HEATR5A: variants seen among roughly 807,000 people sequenced by gnomAD.
HEATR5A encodes the protein HEAT repeat-containing protein 5A.
In HEATR5A, 178 loss-of-function variants were observed where a neutral mutation model predicts 218.8. That is an observed-to-expected ratio of 0.81 (90% confidence interval 0.72 to 0.92). HEATR5A has a LOEUF of 0.92. HEATR5A is among the 40% of genes least tolerant of loss of function. The pLI is 0.00. For synonymous variants in HEATR5A, 864 were observed against 871.6 expected (o/e 0.99, Z 0.15); for missense variants, 2,420 against 2,418.9 (o/e 1.00, Z -0.01).
At chr14:31,356,846 T>C (rs886190296) in intron 16 of HEATR5A, among the ~76,000 whole-genome samples, 3 of 152,284 alleles carry the variant, frequency 2.0e-5, no homozygotes, top group Admixed American at 6.5e-5. Context: ...CTGTAAAAAG[T>C]ATATTTTCTT....
chr14:31,374,704 T>C (rs1030262712), intron 12 of HEATR5A, 112 bp downstream of exon 12: 16 of 935,208 alleles, frequency 1.7e-5, no homozygotes, highest in Non-Finnish European at 2.5e-5. Context: ...AAAAAATCAT[T>C]AGTGGCATAT....
At chr14:31,396,815 A>C (rs899822901) in intron 4 of HEATR5A, among the ~76,000 whole-genome samples, 1 of 152,222 alleles carries the variant, frequency 6.6e-6, no homozygotes, top group Non-Finnish European at 1.5e-5. Context: ...TAGTTAAAAA[A>C]ATTTAAAAAA....
At position 31,364,056 on chromosome 14, in the gene HEATR5A, T is replaced by C. The variant is rs933766132; in HGVS notation, c.2071+133A>G. On this transcript the variant is annotated intron_variant, in intron 14 of 35. Coordinates refer to ENST00000543095, the MANE Select transcript of HEATR5A (RefSeq NM_015473.4). ...ACACATGGATTAGGACTGAACTCCC[T>C]AAACCTCCTAGAAACAAGGCACTAA... 9 of 540,634 alleles carry C rather than the reference T, an allele frequency of 1.7e-5. No individual in the cohort carries two copies. The African/African-American group carries it at 1.7e-4, about 10-fold the overall frequency. The allele number at this position is 540,634 out of a possible 1,614,324, so 33.5% of individuals were successfully genotyped here.
intron 1 of HEATR5A, among the ~76,000 whole-genome samples, chr14:31,403,644 G>C (rs2030956016): frequency 6.6e-6 from 1 of 152,202 alleles, no homozygotes; most frequent in Non-Finnish European, 1.5e-5. Context: ...AGTCTTGTGA[G>C]AGCAAACTTT....
In HEATR5A at chr14:31,302,487, G is replaced by C. The variant is rs369655392; in HGVS notation, c.5272C>G (p.Leu1758Val). 5 of 1,586,174 alleles carry C rather than the reference G, an allele frequency of 3.2e-6. No individual in the cohort carries two copies. In the African/African-American group the frequency reaches 6.7e-5, roughly 21 times the overall value. ...SISILPTILY[L>V]TIGVLRETAV... ...GTCTCTCTGAGGACCCCGATTGTGA[G>C]GTACAATATAGTAGGGAGAATTGAG... Residue 1758 changes from leucine (L) to valine (V), a missense_variant, in exon 33 of 36, where the codon CTC (leucine) becomes GTC (valine). Transcript: ENST00000543095.
At chr14:31,330,027 T>A (rs1900410393) in intron 22 of HEATR5A, among the ~76,000 whole-genome samples, 1 of 152,226 alleles carries the variant, frequency 6.6e-6, no homozygotes, top group African/African-American at 2.4e-5. Context: ...GTGGTCCTCT[T>A]CTTACAGCTC....
At chr14:31,361,390 G>A (rs1382821880) in intron 14 of HEATR5A, among the ~76,000 whole-genome samples, 4 of 152,112 alleles carry the variant, frequency 2.6e-5, no homozygotes, top group Non-Finnish European at 2.9e-5. Context: ...GAATGGACAG[G>A]GATCAGTGAA....
chr14:31,319,401 C>A (rs1414344418), intron 25 of HEATR5A, among the ~76,000 whole-genome samples: 1 of 152,150 alleles, frequency 6.6e-6, no homozygotes, highest in Non-Finnish European at 1.5e-5. Flanking sequence ...GATCCGCCTA[C>A]CTCGGCCTCC....
At chr14:31,320,385 CCCCTGAATCAGCCA>C in intron 25 of HEATR5A, 1 of 1,005,890 alleles carries the variant, frequency 9.9e-7, no homozygotes, top group Non-Finnish European at 1.6e-6. Context: ...CCAATGCCAG[CCCCTGAATCAGCCA>C]CACCAACTGT....
At chr14:31,406,249 T>G (rs1258665422) in intron 1 of HEATR5A, among the ~76,000 whole-genome samples, 1 of 152,228 alleles carries the variant, frequency 6.6e-6, no homozygotes, top group Non-Finnish European at 1.5e-5. Flanking sequence ...TCTGTTGAGA[T>G]TATAAGGTGA....
intron 22 of HEATR5A, among the ~76,000 whole-genome samples, chr14:31,330,427 T>C (rs1339286321): frequency 6.6e-6 from 1 of 152,080 alleles, no homozygotes; most frequent in Non-Finnish European, 1.5e-5. Context: ...CCTAGGCCTC[T>C]GGGAGGGGCT....
At chr14:31,324,585 G>A (rs2139170746) in intron 23 of HEATR5A, among the ~76,000 whole-genome samples, 1 of 151,722 alleles carries the variant, frequency 6.6e-6, no homozygotes, top group African/African-American at 2.4e-5. Flanking sequence ...TTAATGGCAA[G>A]ATAAAATTGA....
At chr14:31,334,412 G>A (rs1900579828) in intron 22 of HEATR5A, 1 of 455,878 alleles carries the variant, frequency 2.2e-6, no homozygotes, top group African/African-American at 2.0e-5. Context: ...CATTCTAGAT[G>A]GTTTCTGCAG....
intron 21 of HEATR5A, among the ~76,000 whole-genome samples, chr14:31,342,339 G>C (rs780635710): frequency 9.2e-5 from 14 of 152,262 alleles, no homozygotes; most frequent in Non-Finnish European, 1.8e-4. Context: ...TGTGAGCTAT[G>C]ATTGCACCAC....
intron 32 of HEATR5A, among the ~76,000 whole-genome samples, chr14:31,304,325 C>T (rs1899484393): frequency 6.6e-6 from 1 of 152,230 alleles, no homozygotes; most frequent in Non-Finnish European, 1.5e-5. Flanking sequence ...TATACCAAAA[C>T]ATGCCCAAGC....
intron 28 of HEATR5A, 74 bp downstream of exon 28, chr14:31,312,894 T>C (rs1006053459): frequency 3.1e-6 from 4 of 1,288,066 alleles, no homozygotes; most frequent in East Asian, 2.5e-5. Flanking sequence ...TAAGACCCTG[T>C]CAAAAACAAA....
At position 31,403,061 on chromosome 14, in the gene HEATR5A, G is replaced by A; in HGVS notation, c.-74-12C>T. ...CTAACAATAAAAATCTGCAATACAG[G>A]AAAATAATGTATTTTAAAAGGGGGG... On this transcript the variant is annotated splice_polypyrimidine_tract_variant and intron_variant, in intron 1 of 35. Coordinates refer to ENST00000543095, the MANE Select transcript of HEATR5A (RefSeq NM_015473.4). The A allele has an allele frequency of 8.3e-7, 1 of 1,207,982 alleles. No individual in the cohort carries two copies. The highest frequency in any genetic ancestry group is 1.1e-6 in the Non-Finnish European group (1 of 898,404). 74.8% of individuals were successfully genotyped at this position (1,207,982 alleles called of 1,614,324 possible). A position where few individuals can be genotyped will look rare whatever the true frequency, so the allele number is the denominator to read the frequency against.
intron 1 of HEATR5A, among the ~76,000 whole-genome samples, chr14:31,416,756 A>C (rs1270907741): frequency 2.0e-5 from 3 of 152,098 alleles, no homozygotes; most frequent in Non-Finnish European, 4.4e-5. Flanking sequence ...ACTTCCAATA[A>C]TATTCTGTCT....
intron 30 of HEATR5A, among the ~76,000 whole-genome samples, 154 bp from the exon 31 acceptor site, chr14:31,307,033 C>T (rs983240160): frequency 6.6e-5 from 10 of 152,140 alleles, no homozygotes; most frequent in African/African-American, 2.4e-4. Flanking sequence ...CATTTTAAAT[C>T]AACTCCAGAG....
Sources: gnomAD v4.1 joint callset for allele counts (sites outside exome capture counted in the v4.1 genomes callset) on GRCh38, gnomAD v4.1.1 for gene constraint, MANE v1.5 for transcripts, NCBI Gene and HGNC (gene_info 2026-07-23, HGNC 2026-07-21) for gene names.